Variants in SH3PXD2B observed in about 807,000 individuals in gnomAD.
SH3PXD2B encodes the protein SH3 and PX domain-containing protein 2B.
In SH3PXD2B, 37 loss-of-function variants were observed where a neutral mutation model predicts 73.1. That is an observed-to-expected ratio of 0.51 (90% CI 0.39 to 0.67). The LOEUF (loss-of-function observed/expected upper bound fraction) is 0.67. Among genes scored for constraint, SH3PXD2B ranks in the 30% least tolerant of loss-of-function variants. The pLI is 0.00. For missense variants in SH3PXD2B, 1,053 were observed against 1,197.8 expected, an observed-to-expected ratio of 0.88 and a Z score of 1.78; for synonymous variants, 457 against 480.5, an observed-to-expected ratio of 0.95 and a Z score of 0.64.
intron 5 of SH3PXD2B, among the ~76,000 whole-genome samples, chr5:172,374,854 C>T (rs902280572): frequency 6.6e-6 from 1 of 152,156 alleles, no homozygotes; most frequent in East Asian, 1.9e-4. Flanking sequence ...GACCCAGTGC[C>T]GGCACCCTGC....
At chr5:172,408,649 C>T (rs1168378880) in intron 2 of SH3PXD2B, among the ~76,000 whole-genome samples, 2 of 148,592 alleles carry the variant, frequency 1.3e-5, no homozygotes, top group African/African-American at 5.0e-5. Flanking sequence ...AGAAATTCTC[C>T]TGCCTCAGCC....
At position 172,339,195 on chromosome 5, in the gene SH3PXD2B, T is replaced by C. The variant is rs201610155; in HGVS notation, c.1910A>G (p.Lys637Arg). The C allele has an allele frequency of 1.7e-5, 27 of 1,614,222 alleles. No homozygotes were observed. In the East Asian group the frequency reaches 5.8e-4, roughly 35 times the overall value. The change falls in exon 13 of 13, where the codon AAG becomes AGG. Residue 637 changes from lysine (K) to arginine (R), a missense_variant. Around this residue, in one of 2 missense-constraint regions of SH3PXD2B, gnomAD observed 587 missense variants for 590.7 expected, o/e 0.99. Coordinates refer to ENST00000311601, the MANE Select transcript of SH3PXD2B (RefSeq NM_001017995.3). This position sits in a 1 kb window ranked among gnomAD's most constrained non-coding sequence, Gnocchi z 6.1. ...PDATPQNPFLKSRPQVRPKPA... is the reference protein window; with the variant it reads ...PDATPQNPFLRSRPQVRPKPA... ...TTTTGGCCTAACCTGAGGTCTGGAC[T>C]TCAAGAAGGGATTCTGGGGAGTGGC...
chr5:172,443,712 C>T (rs556590415), intron 1 of SH3PXD2B, among the ~76,000 whole-genome samples: 3 of 152,366 alleles, frequency 2.0e-5, no homozygotes, highest in South Asian at 4.1e-4. Flanking sequence ...CTGATTCACA[C>T]CTTGGCTGAG....
At chr5:172,361,196 TACACACACGC>T (rs1337670896) in intron 7 of SH3PXD2B, among the ~76,000 whole-genome samples, 7 of 152,260 alleles carry the variant, frequency 4.6e-5, no homozygotes, top group Admixed American at 3.9e-4. Context: ...TGTTCACACG[TACACACACGC>T]ACACATACAC....
intron 9 of SH3PXD2B, 106 bp from the exon 10 acceptor site, chr5:172,350,695 C>T (rs1027138228): frequency 1.0e-5 from 11 of 1,090,620 alleles, no homozygotes; most frequent in South Asian, 8.5e-5. Flanking sequence ...GCAGGAACGA[C>T]GGGTTGTGAC....
chr5:172,372,644 C>T (rs1057480925), intron 6 of SH3PXD2B, among the ~76,000 whole-genome samples: 3 of 152,172 alleles, frequency 2.0e-5, no homozygotes, highest in African/African-American at 7.2e-5. Context: ...ATGTGCCAGG[C>T]ACTATTCTAG....
At chr5:172,408,114 C>T (rs545460338) in intron 2 of SH3PXD2B, among the ~76,000 whole-genome samples, 3 of 152,222 alleles carry the variant, frequency 2.0e-5, no homozygotes, top group Non-Finnish European at 4.4e-5. Context: ...AATGCACGGC[C>T]TTGCCCCAGA....
At chr5:172,405,307 G>A (rs1758526263) in intron 3 of SH3PXD2B, among the ~76,000 whole-genome samples, 1 of 152,250 alleles carries the variant, frequency 6.6e-6, no homozygotes, top group South Asian at 2.1e-4. Flanking sequence ...TTGTATATGT[G>A]ACGAGCTATT....
At chr5:172,357,956 A>G (rs1419043853) in intron 8 of SH3PXD2B, among the ~76,000 whole-genome samples, 1 of 152,256 alleles carries the variant, frequency 6.6e-6, no homozygotes, top group Non-Finnish European at 1.5e-5. Context: ...TGCTGATACA[A>G]TAATAACTGT....
At chr5:172,440,031 G>T (rs1759518143) in intron 1 of SH3PXD2B, among the ~76,000 whole-genome samples, 2 of 152,216 alleles carry the variant, frequency 1.3e-5, no homozygotes, top group South Asian at 4.1e-4. Context: ...CTGAAGGCTG[G>T]CTTTCTAGGA....
chr5:172,337,590 G>A lies in SH3PXD2B; in HGVS notation c.*779C>T. 2 of 985,440 alleles carry A rather than the reference G, an allele frequency of 2.0e-6. No homozygotes were observed. The highest frequency in any genetic ancestry group is 1.2e-6 in the Non-Finnish European group (1 of 830,016). The allele number at this position is 985,440 out of a possible 1,614,324, so 61.0% of individuals were successfully genotyped here. On this transcript the variant is annotated 3_prime_UTR_variant, in exon 13 of 13. Transcript: ENST00000311601. ...ATTCTTGCTTTAGGTAGGCAAAAAT[G>A]AAATGCTCCAAGTTGGGGTGGGAAC...
intron 12 of SH3PXD2B, among the ~76,000 whole-genome samples, chr5:172,344,641 C>G (rs1225951340): frequency 8.3e-6 from 1 of 120,866 alleles, no homozygotes; most frequent in Non-Finnish European, 1.7e-5. Flanking sequence ...CATGTGTATA[C>G]AATGAAAGAG....
chr5:172,356,237 T>C lies in SH3PXD2B; in HGVS notation c.668-2232A>G, dbSNP rs79787278. ...TGAAACTGCTGTCATCATGAGAGAA[T>C]GGTGCCAACAAGCAGAGAGGTGGTG... is the stretch of plus-strand genomic sequence containing the variant. On this transcript the variant is annotated intron_variant, in intron 8 of 12. Coordinates refer to ENST00000311601, the MANE Select transcript of SH3PXD2B (RefSeq NM_001017995.3). Among the ~76,000 whole-genome samples the C allele has an allele frequency of 1.3e-3, 191 of 152,262 alleles. 2 individuals are homozygous for C. The East Asian group carries it at 0.034, about 27-fold the overall frequency.
At position 172,350,343 on chromosome 5, in the gene SH3PXD2B, C is replaced by T. The variant is rs150465914; in HGVS notation, c.1012+20G>A. On this transcript the variant is annotated intron_variant, in intron 10 of 12. Coordinates refer to ENST00000311601, the MANE Select transcript of SH3PXD2B (RefSeq NM_001017995.3). ...ACACAGGGGCCCTGATTATCAGGAG[C>T]TTGGGCGGGTGTCACTCACTCTGCT... is the stretch of plus-strand genomic sequence containing the variant. 1 of 1,611,886 alleles carries T rather than the reference C, an allele frequency of 6.2e-7. No individual in the cohort carries two copies. Among genetic ancestry groups the T allele is most frequent in the African/African-American group, 1.3e-5 (1 of 75,038 alleles).
intron 2 of SH3PXD2B, among the ~76,000 whole-genome samples, chr5:172,413,957 G>A (rs1581320223): frequency 6.6e-6 from 1 of 152,250 alleles, no homozygotes; most frequent in South Asian, 2.1e-4. Flanking sequence ...ATCTTGCTGG[G>A]AAGGCTTCCC....
chr5:172,367,782 C>T (rs568511593), intron 6 of SH3PXD2B, among the ~76,000 whole-genome samples: 132 of 152,202 alleles, frequency 8.7e-4, no homozygotes, highest in African/African-American at 3.0e-3. Flanking sequence ...CTCTGCATCA[C>T]CCTTTCCTCA....
Position 172,339,643 on chromosome 5 carries a change from A to C in SH3PXD2B, c.1462T>G (p.Trp488Gly), listed in dbSNP as rs200664799. The change falls in exon 13 of 13, where the codon TGG becomes GGG. Residue 488 changes from tryptophan (W) to glycine (G), a missense_variant. By Grantham distance (184) the Trp-to-Gly change is radical (BLOSUM62 -2). Around this residue, in one of 2 missense-constraint regions of SH3PXD2B, gnomAD observed 587 missense variants for 590.7 expected, o/e 0.99. Coordinates refer to ENST00000311601, the MANE Select transcript of SH3PXD2B (RefSeq NM_001017995.3). The surrounding 1 kb of genome is among the most constrained non-coding windows in gnomAD (Gnocchi z 6.1). ...MDSGLPWSKD[W>G]KGSKDVLRKA... is the part of the protein sequence containing the mutation. ...CTCAGGACATCCTTACTGCCCTTCC[A>C]GTCTTTAGACCATGGCAACCCCGAG... 6.2e-7 allele frequency: 1 copy of C among 1,614,088 alleles called. No homozygotes were observed. Among genetic ancestry groups the C allele is most frequent in the Admixed American group, 1.7e-5 (1 of 60,010 alleles).
At chr5:172,371,462 C>T (rs184454352) in intron 6 of SH3PXD2B, among the ~76,000 whole-genome samples, 39 of 152,254 alleles carry the variant, frequency 2.6e-4, no homozygotes, top group African/African-American at 9.4e-4. Flanking sequence ...GTGTAGAAAT[C>T]TCAGGAGTTA....
chr5:172,425,821 C>CATCT (rs1759082682), intron 1 of SH3PXD2B, among the ~76,000 whole-genome samples: 3 of 152,088 alleles, frequency 2.0e-5, no homozygotes, highest in African/African-American at 4.8e-5. Flanking sequence ...ACCAGTAAGG[C>CATCT]ATCTTTTGCA....
Sources: gnomAD v4.1 joint callset for allele counts (sites outside exome capture counted in the v4.1 genomes callset) on GRCh38, gnomAD v4.1.1 for gene constraint, gnomAD v4.1.1 regional missense constraint, Gnocchi (gnomAD v3.1) non-coding constraint, MANE v1.5 for transcripts, NCBI Gene and HGNC (gene_info 2026-07-23, HGNC 2026-07-21) for gene names.